Variants in ARHGAP22 observed in about 807,000 individuals in gnomAD.
ARHGAP22 encodes rho GTPase-activating protein 22.
A neutral mutation model predicts 59.1 loss-of-function variants in ARHGAP22; 48 were observed. That is an observed-to-expected ratio of 0.81 (90% CI 0.64 to 1.03). The LOEUF (loss-of-function observed/expected upper bound fraction) is 1.03. Ranked by LOEUF, ARHGAP22 falls within the 50% of genes least tolerant of loss-of-function variation. The probability of loss-of-function intolerance (pLI) is 0.00; values close to 1 mark genes in which losing one functional copy is unlikely to be tolerated. For missense variants in ARHGAP22, 1,015 were observed against 958.7 expected (o/e 1.06, Z -0.78); for synonymous variants, 445 against 416.4 (o/e 1.07, Z -0.84).
chr10:48,533,476 T>G (rs1196968278), intron 3 of ARHGAP22, among the ~76,000 whole-genome samples: 1 of 152,242 alleles, frequency 6.6e-6, no homozygotes, highest in Non-Finnish European at 1.5e-5. Flanking sequence ...ATTTGCATTT[T>G]CTCAGGCTCT....
intron 1 of ARHGAP22, among the ~76,000 whole-genome samples, chr10:48,648,111 A>G (rs2062389671): frequency 6.6e-6 from 1 of 152,210 alleles, no homozygotes; most frequent in Non-Finnish European, 1.5e-5. Flanking sequence ...CTGGATTGTG[A>G]TGATGGTTTT....
upstream of ARHGAP22, chr10:48,656,265 T>TGGGGGGGGG (rs760924651): frequency 5.9e-5 from 6 of 101,634 alleles, no homozygotes; most frequent in African/African-American, 1.7e-4. Flanking sequence ...TCGGCGCCTC[T>TGGGGGGGGG]GGGGGGGGGG....
chr10:48,638,587 C>G (rs2061920172), intron 1 of ARHGAP22, among the ~76,000 whole-genome samples: 1 of 152,170 alleles, frequency 6.6e-6, no homozygotes, highest in South Asian at 2.1e-4. Flanking sequence ...CTCATTTTCC[C>G]TCTACATTCT....
At chr10:48,652,598 G>A (rs7894212) in exon 1 of ARHGAP22, 4,198 of 379,340 alleles carry the variant, frequency 0.011, 159 homozygotes, top group African/African-American at 0.077. Context: ...CCACTTCACA[G>A]AACAAAGAAT....
chr10:48,508,447 C>T (rs562542600), intron 3 of ARHGAP22, among the ~76,000 whole-genome samples: 3 of 152,332 alleles, frequency 2.0e-5, no homozygotes, highest in East Asian at 3.9e-4. Context: ...CTTTCCCACC[C>T]GGGAGGGGGT....
Position 48,582,985 on chromosome 10 carries a change from A to G in ARHGAP22, c.202T>C (p.Tyr68His). 1.2e-6 allele frequency: 2 copies of G among 1,614,234 alleles called. No individual in the cohort carries two copies. The highest frequency in any genetic ancestry group is 1.7e-6 in the Non-Finnish European group (2 of 1,180,040). ...TTGATCTCATCTTTGTCCTTGTAGT[A>G]GAAAAGCTGATCCCCACGCAGCACA... is the stretch of plus-strand genomic sequence containing the variant. ...WFVLRGDQLF[Y>H]YKDKDEIKPQ... Residue 68 changes from tyrosine (Y) to histidine (H), a missense_variant, in exon 2 of 10, where the codon TAC becomes CAC. Transcript: ENST00000249601.
At chr10:48,470,786 A>C (rs1405553554) in intron 4 of ARHGAP22, among the ~76,000 whole-genome samples, 1 of 152,226 alleles carries the variant, frequency 6.6e-6, no homozygotes, top group Non-Finnish European at 1.5e-5. Context: ...CTGGCCAGGC[A>C]GGTTGACATT....
chr10:48,522,448 CT>C (rs2053894777), intron 3 of ARHGAP22, among the ~76,000 whole-genome samples: 1 of 152,240 alleles, frequency 6.6e-6, no homozygotes, highest in Non-Finnish European at 1.5e-5. Context: ...GGAGGTGCCC[CT>C]GGCTCTCTTC....
rs1236750037 is a variant in ARHGAP22 at position 48,450,582 on chromosome 10, G to A, written c.1547C>T (p.Ser516Leu). ...GCCCCCCACCGACGACTCGCTGGACGAGGCCCCGGACCACGCCATACTGGC... is the reference window on the plus strand; with the variant it reads ...GCCCCCCACCGACGACTCGCTGGACAAGGCCCCGGACCACGCCATACTGGC... ...SVASMAWSGASSSESSVGGSL... is the reference protein window; with the variant it reads ...SVASMAWSGALSSESSVGGSL... Residue 516 changes from serine (S) to leucine (L), a missense_variant, in exon 9 of 10, where the codon TCG (serine) becomes TTG (leucine). Physicochemically the swap from Ser to Leu is moderately radical, Grantham distance 145. Coordinates refer to ENST00000249601, the MANE Select transcript of ARHGAP22 (RefSeq NM_021226.4). The A allele has an allele frequency of 6.5e-7, 1 of 1,539,548 alleles. No individual in the cohort carries two copies. Among genetic ancestry groups the A allele is most frequent in the South Asian group, 1.2e-5 (1 of 83,266 alleles).
At chr10:48,472,524 A>AAAAAT (rs57810660) in intron 4 of ARHGAP22, among the ~76,000 whole-genome samples, 25,542 of 150,966 alleles carry the variant, frequency 0.17, 2,432 homozygotes, top group African/African-American at 0.26. Context: ...ACTCTGTCTC[A>AAAAAT]AAAATAAAAT....
chr10:48,571,719 T>C (rs1210526206), intron 2 of ARHGAP22, among the ~76,000 whole-genome samples: 1 of 152,214 alleles, frequency 6.6e-6, no homozygotes. Flanking sequence ...TCAGTGGATG[T>C]TTCTTCTGCT....
intron 2 of ARHGAP22, 168 bp downstream of exon 2, chr10:48,582,785 T>C (rs1041149214): frequency 3.8e-5 from 27 of 714,468 alleles, no homozygotes; most frequent in Non-Finnish European, 5.2e-5. Context: ...CAGGCTGTGA[T>C]ACCAGGAACA....
rs1323410450 is a variant in ARHGAP22, at chr10:48,592,063, A to G, written c.35-8911T>C. On this transcript the variant is annotated intron_variant, in intron 1 of 9. Coordinates refer to ENST00000249601, the MANE Select transcript of ARHGAP22 (RefSeq NM_021226.4). Reference sequence around the variant, plus strand: ...AGTAAGAAAATGGACAAACTGTGCTATATTCACATTAGAAAAGACTTGAAA... The same window carrying G: ...AGTAAGAAAATGGACAAACTGTGCTGTATTCACATTAGAAAAGACTTGAAA... Among the ~76,000 whole-genome samples the G allele has an allele frequency of 5.9e-5, 9 of 152,354 alleles. No individual in the cohort carries two copies. The East Asian group carries it at 1.7e-3, about 29-fold the overall frequency.
chr10:48,640,473 G>A (rs910033391), intron 1 of ARHGAP22, among the ~76,000 whole-genome samples: 1 of 152,082 alleles, frequency 6.6e-6, no homozygotes, highest in African/African-American at 2.4e-5. Flanking sequence ...TCTTGAAGTA[G>A]CAAAAGAAAA....
At chr10:48,498,795 C>T (rs1564772359) in intron 3 of ARHGAP22, among the ~76,000 whole-genome samples, 2 of 152,110 alleles carry the variant, frequency 1.3e-5, no homozygotes, top group African/African-American at 4.8e-5. Context: ...CCAGGATACA[C>T]AAAGGTGATG....
chr10:48,566,277 C>T (rs1025091819), intron 2 of ARHGAP22, among the ~76,000 whole-genome samples: 1 of 152,136 alleles, frequency 6.6e-6, no homozygotes, highest in African/African-American at 2.4e-5. Flanking sequence ...GGCCTCAGAT[C>T]AATCTTAAAA....
chr10:48,584,766 G>A (rs1050499318), intron 1 of ARHGAP22, among the ~76,000 whole-genome samples: 5 of 152,214 alleles, frequency 3.3e-5, no homozygotes, highest in Admixed American at 1.3e-4. Context: ...AGGCCAAGGC[G>A]GGCGGATCAC....
intron 3 of ARHGAP22, among the ~76,000 whole-genome samples, chr10:48,501,379 G>A (rs908278072): frequency 2.0e-5 from 3 of 152,238 alleles, no homozygotes; most frequent in Admixed American, 6.5e-5. Flanking sequence ...CTCACACCAC[G>A]TGTTCCAGGT....
chr10:48,504,172 G>T (rs1228701533), intron 3 of ARHGAP22, among the ~76,000 whole-genome samples: 1 of 152,182 alleles, frequency 6.6e-6, no homozygotes, highest in Non-Finnish European at 1.5e-5. Flanking sequence ...CCAGTCCTGG[G>T]ATGAAAAGGG....
Sources: allele counts gnomAD v4.1 joint callset (sites outside exome capture counted in the v4.1 genomes callset), GRCh38; gene constraint gnomAD v4.1.1; transcripts MANE v1.5; gene names NCBI Gene and HGNC (gene_info 2026-07-23, HGNC 2026-07-21).